Variants in ADAMTSL3 observed in about 807,000 individuals in gnomAD.
ADAMTSL3 encodes ADAMTS like 3.
A neutral mutation model predicts 201.7 loss-of-function variants in ADAMTSL3; 128 were observed. The ratio of observed to expected loss-of-function variants is 0.63; its 90% CI spans 0.55 to 0.73. The LOEUF (loss-of-function observed/expected upper bound fraction) is 0.73, where lower values mean the gene tolerates loss of function less well. ADAMTSL3 is among the 30% of genes least tolerant of loss of function. The pLI is 0.00. For synonymous variants in ADAMTSL3, 738 were observed against 748.4 expected (o/e 0.99, Z 0.23); for missense variants, 1,990 against 2,119.6 (o/e 0.94, Z 1.20).
rs139336705 is a variant in ADAMTSL3 at position 83,981,587 on chromosome 15, C to G, written c.2645-686C>G. Among the ~76,000 whole-genome samples the G allele has an allele frequency of 5.8e-4, 89 of 152,338 alleles. 1 individual carries two copies. Among genetic ancestry groups the G allele is most frequent in the Middle Eastern group, 3.4e-3 (1 of 294 alleles). ...GAGATGAAAGAATTTGTCCAAGTGG[C>G]AGAGCTAAGATTCAAACTCAGGTTT... On this transcript the variant is annotated intron_variant, in intron 20 of 29. Coordinates refer to ENST00000286744, the MANE Select transcript of ADAMTSL3 (RefSeq NM_207517.3).
At chr15:83,674,696 CATATATAT>C (rs1382730587) in intron 2 of ADAMTSL3, among the ~76,000 whole-genome samples, 1,962 of 146,508 alleles carry the variant, frequency 0.013, 46 homozygotes, top group African/African-American at 0.044. Context: ...CATATATACA[CATATATAT>C]ACATATATAC....
At chr15:83,826,246 G>T (rs908906981) in intron 6 of ADAMTSL3, among the ~76,000 whole-genome samples, 1 of 152,076 alleles carries the variant, frequency 6.6e-6, no homozygotes, top group Non-Finnish European at 1.5e-5. Flanking sequence ...CCCCTAAGTA[G>T]CTGGGACTAC....
At chr15:83,848,302 G>A (rs2064543713) in intron 7 of ADAMTSL3, among the ~76,000 whole-genome samples, 1 of 152,188 alleles carries the variant, frequency 6.6e-6, no homozygotes, top group Non-Finnish European at 1.5e-5. Context: ...TGTAGTTCCG[G>A]TTGAACTTTA....
At chr15:83,922,393 A>G (rs1052532518) in intron 16 of ADAMTSL3, among the ~76,000 whole-genome samples, 4 of 152,190 alleles carry the variant, frequency 2.6e-5, no homozygotes, top group African/African-American at 9.6e-5. Flanking sequence ...TTATTCAGAA[A>G]ATGTTCCAAA....
At position 84,001,434 on chromosome 15, in the gene ADAMTSL3, T is replaced by C. The variant is rs117751053; in HGVS notation, c.3973+10220T>C. Among the ~76,000 whole-genome samples the C allele has an allele frequency of 1.5e-3, 224 of 152,344 alleles. 4 individuals are homozygous for C. In the East Asian group the frequency reaches 0.021, roughly 14 times the overall value. On this transcript the variant is annotated intron_variant, in intron 23 of 29. Coordinates refer to ENST00000286744, the MANE Select transcript of ADAMTSL3 (RefSeq NM_207517.3). ...TCAACAGCATACAAAGTGGATATTA[T>C]ATTTGTTTTGCAGATAAGGAAGCAA...
chr15:83,835,279 T>A (rs901105188), intron 6 of ADAMTSL3, among the ~76,000 whole-genome samples: 1 of 150,678 alleles, frequency 6.6e-6, no homozygotes, highest in Admixed American at 6.6e-5. Flanking sequence ...TATGATGGGA[T>A]ATGAAAGCCA....
intron 5 of ADAMTSL3, among the ~76,000 whole-genome samples, chr15:83,817,042 TA>T (rs1435206398): frequency 6.6e-6 from 1 of 152,222 alleles, no homozygotes; most frequent in Admixed American, 6.5e-5. Context: ...GACTTGCTTC[TA>T]GGAGTGTAAC....
At chr15:83,677,049 T>C (rs1466961708) in intron 2 of ADAMTSL3, among the ~76,000 whole-genome samples, 2 of 152,358 alleles carry the variant, frequency 1.3e-5, no homozygotes, top group Non-Finnish European at 2.9e-5. Flanking sequence ...TTTAGAAACA[T>C]GTTATTTACT....
chr15:83,825,534 G>A (rs76864565), intron 6 of ADAMTSL3, among the ~76,000 whole-genome samples: 16,403 of 152,072 alleles, frequency 0.11, 1,158 homozygotes, highest in South Asian at 0.24. Flanking sequence ...GCAAGGATTC[G>A]CTTGAGTCCA....
chr15:83,910,854 A>G (rs868218294), intron 15 of ADAMTSL3, among the ~76,000 whole-genome samples: 7 of 149,906 alleles, frequency 4.7e-5, no homozygotes, highest in South Asian at 2.1e-4. Flanking sequence ...TGGCCAGGCT[A>G]GTCTCGAACT....
At chr15:83,970,699 T>A in intron 20 of ADAMTSL3, 62 bp downstream of exon 20, 2 of 1,582,186 alleles carry the variant, frequency 1.3e-6, no homozygotes, top group South Asian at 2.3e-5. Context: ...TGTCCCGATG[T>A]CTTTATTTTC....
At chr15:83,695,494 G>C (rs1297752936) in intron 2 of ADAMTSL3, among the ~76,000 whole-genome samples, 1 of 151,980 alleles carries the variant, frequency 6.6e-6, no homozygotes, top group Non-Finnish European at 1.5e-5. Flanking sequence ...GACCTAGGAG[G>C]GGAGGAGAAG....
At chr15:83,957,531 A>G (rs2066884245) in intron 19 of ADAMTSL3, among the ~76,000 whole-genome samples, 2 of 152,182 alleles carry the variant, frequency 1.3e-5, no homozygotes, top group African/African-American at 4.8e-5. Context: ...GAGAGTAGTA[A>G]GTGGTTTTGA....
chr15:83,853,436 C>T (rs2064661785), intron 7 of ADAMTSL3, among the ~76,000 whole-genome samples: 3 of 152,148 alleles, frequency 2.0e-5, no homozygotes. Context: ...AATGTTTAAG[C>T]ATTAAGCATA....
chr15:83,664,257 C>T (rs1336177796), intron 2 of ADAMTSL3, among the ~76,000 whole-genome samples: 1 of 150,656 alleles, frequency 6.6e-6, no homozygotes, highest in Admixed American at 6.8e-5. Context: ...TTGTTTCTTT[C>T]TTTTTCTTTT....
At chr15:84,025,805 A>G (rs2068294884) in intron 27 of ADAMTSL3, among the ~76,000 whole-genome samples, 1 of 152,234 alleles carries the variant, frequency 6.6e-6, no homozygotes, top group Admixed American at 6.5e-5. Context: ...TGATAATGTT[A>G]TAATAAAAAT....
chr15:83,723,713 A>G (rs1347540745), intron 3 of ADAMTSL3, among the ~76,000 whole-genome samples: 1 of 152,192 alleles, frequency 6.6e-6, no homozygotes, highest in African/African-American at 2.4e-5. Context: ...AATTTTATTT[A>G]TATGTGAACA....
chr15:83,956,727 G>A (rs987132186), intron 19 of ADAMTSL3, among the ~76,000 whole-genome samples: 6 of 151,786 alleles, frequency 4.0e-5, no homozygotes, highest in African/African-American at 1.5e-4. Flanking sequence ...TTATTTTCCT[G>A]ACCCAAAGTA....
At chr15:83,734,797 G>T (rs2062342769) in intron 3 of ADAMTSL3, among the ~76,000 whole-genome samples, 1 of 152,062 alleles carries the variant, frequency 6.6e-6, no homozygotes, top group African/African-American at 2.4e-5. Context: ...TCTCAACTTG[G>T]GGATGATTTT....
Sources: gnomAD v4.1 joint callset for allele counts (sites outside exome capture counted in the v4.1 genomes callset) on GRCh38, gnomAD v4.1.1 for gene constraint, MANE v1.5 for transcripts, NCBI Gene and HGNC (gene_info 2026-07-23, HGNC 2026-07-21) for gene names.